The following FRK variants were observed in gnomAD, a reference collection of about 807,000 sequenced individuals.
FRK encodes the protein fyn related Src family tyrosine kinase, also known as tyrosine-protein kinase FRK.
A neutral mutation model predicts 56.4 loss-of-function variants in FRK; 51 were observed. That is an observed-to-expected ratio of 0.90 (90% CI 0.72 to 1.14). The LOEUF (loss-of-function observed/expected upper bound fraction) is 1.14. FRK is among the 50% of genes most tolerant of loss of function. FRK has a pLI of 0.00. For missense variants in FRK, 570 were observed against 601.4 expected (o/e 0.95, Z 0.55); for synonymous variants, 245 against 217.9 (o/e 1.12, Z -1.10).
chr6:115,969,679 T>C (rs1773727826), intron 2 of FRK, among the ~76,000 whole-genome samples: 1 of 152,108 alleles, frequency 6.6e-6, no homozygotes, highest in Admixed American at 6.5e-5. Context: ...CTGTGGCTGT[T>C]GTTTTGGTTT....
chr6:115,973,136 C>A (rs145040449), intron 2 of FRK, among the ~76,000 whole-genome samples: 1 of 152,166 alleles, frequency 6.6e-6, no homozygotes, highest in African/African-American at 2.4e-5. Flanking sequence ...TGGAACACAT[C>A]CTTGCACTCT....
Position 115,950,203 on chromosome 6 carries a change from G to A in FRK, c.959-5778C>T, listed in dbSNP as rs546527340. On this transcript the variant is annotated intron_variant, in intron 5 of 7. Transcript: ENST00000606080. ...AAATGGGATCTAATTAAACAAAAGAGCTCCTGCACAGCAAAAGAAACCATC... is the reference window on the plus strand; with the variant it reads ...AAATGGGATCTAATTAAACAAAAGAACTCCTGCACAGCAAAAGAAACCATC... 3.9e-5 allele frequency among the ~76,000 whole-genome samples: 6 copies of A among 152,252 alleles called. No homozygotes were observed. In the South Asian group the frequency reaches 1.2e-3, roughly 32 times the overall value.
rs372662470 is a variant in FRK, at chr6:116,054,517, T to C, written c.344+5451A>G. 2.7e-3 allele frequency among the ~76,000 whole-genome samples: 388 copies of C among 144,808 alleles called. 12 individuals are homozygous for C. The South Asian group carries it at 0.045, about 17-fold the overall frequency. 95.0% of individuals were successfully genotyped at this position (144,808 alleles called of 152,430 possible). On this transcript the variant is annotated intron_variant, in intron 1 of 7. Transcript: ENST00000606080. ...ATTATACTATTATAATATTATACTA[T>C]ATATTATATATTATATAGTATAATA...
chr6:116,041,119 C>T (rs954723127), intron 1 of FRK, among the ~76,000 whole-genome samples: 1 of 152,198 alleles, frequency 6.6e-6, no homozygotes, highest in East Asian at 1.9e-4. Flanking sequence ...CCTCAACTAT[C>T]GCTTCCCTGA....
chr6:116,092,714 T>G, the FRK span, among the ~76,000 whole-genome samples: 2 of 152,238 alleles, frequency 1.3e-5, no homozygotes, highest in Non-Finnish European at 2.9e-5. Context: ...TTTCTGCTGC[T>G]GCGTCGGTGA....
intron 2 of FRK, among the ~76,000 whole-genome samples, chr6:115,986,445 G>A (rs1774397585): frequency 6.6e-6 from 1 of 152,058 alleles, no homozygotes; most frequent in African/African-American, 2.4e-5. Flanking sequence ...ATGGGTAAAA[G>A]TGATTAATAC....
intron 4 of FRK, among the ~76,000 whole-genome samples, chr6:115,958,009 G>C (rs1188385567): frequency 6.6e-6 from 1 of 152,142 alleles, no homozygotes; most frequent in Non-Finnish European, 1.5e-5. Context: ...ATATTTCACA[G>C]GCTAAGGAAG....
chr6:115,977,825 A>C (rs913983407), intron 2 of FRK, among the ~76,000 whole-genome samples: 2 of 152,176 alleles, frequency 1.3e-5, no homozygotes, highest in African/African-American at 4.8e-5. Context: ...CCCTTATGGG[A>C]ATAAACCAAC....
At chr6:116,068,648 A>T in the FRK span, among the ~76,000 whole-genome samples, 1 of 152,122 alleles carries the variant, frequency 6.6e-6, no homozygotes, top group Admixed American at 6.6e-5. Context: ...CATCCAGCCA[A>T]CATGGGATGC....
In FRK at chr6:115,933,040, T is replaced by A. The variant is rs1771983970; in HGVS notation, c.*9374A>T. Reference sequence around the variant, plus strand: ...TGACAAAATATTCAGGTTCCACAACTATTCAGAGTCTACCCTGTGCCTCTT... The same window carrying A: ...TGACAAAATATTCAGGTTCCACAACAATTCAGAGTCTACCCTGTGCCTCTT... On this transcript the variant is annotated 3_prime_UTR_variant, in exon 8 of 8. Transcript: ENST00000606080. The A allele has an allele frequency of 6.6e-6, 1 of 152,214 alleles. No individual in the cohort carries two copies. The highest frequency in any genetic ancestry group is 1.5e-5 in the Non-Finnish European group (1 of 68,034). 9.4% of individuals were successfully genotyped at this position (152,214 alleles called of 1,614,324 possible). A position where few individuals can be genotyped will look rare whatever the true frequency, so the allele number is the denominator to read the frequency against.
At chr6:116,079,688 T>C in the FRK span, among the ~76,000 whole-genome samples, 55 of 152,310 alleles carry the variant, frequency 3.6e-4, no homozygotes, top group African/African-American at 1.3e-3. Flanking sequence ...CCTTCTGGGC[T>C]AAAATGACCC....
intron 1 of FRK, among the ~76,000 whole-genome samples, chr6:116,046,592 G>A (rs1233670391): frequency 6.6e-6 from 1 of 152,082 alleles, no homozygotes; most frequent in Non-Finnish European, 1.5e-5. Flanking sequence ...GAGAACATGT[G>A]GACACAGTGA....
chr6:116,096,645 A>C, the FRK span, among the ~76,000 whole-genome samples: 16 of 151,898 alleles, frequency 1.1e-4, no homozygotes, highest in Non-Finnish European at 2.9e-5. Context: ...CACTCTGTAA[A>C]ATGGACCAAT....
intron 1 of FRK, among the ~76,000 whole-genome samples, chr6:116,054,488 GTATAT>G (rs1562308036): frequency 7.3e-6 from 1 of 137,776 alleles, no homozygotes; most frequent in Non-Finnish European, 1.6e-5. Context: ...ATATATAATA[GTATAT>G]TATACTATTA....
At chr6:115,946,785 C>T (rs1166346163) in intron 5 of FRK, among the ~76,000 whole-genome samples, 1 of 152,130 alleles carries the variant, frequency 6.6e-6, no homozygotes, top group African/African-American at 2.4e-5. Context: ...ACTGGAGAAA[C>T]TTGTAACAAG....
intron 2 of FRK, among the ~76,000 whole-genome samples, chr6:115,977,861 G>A (rs1774042865): frequency 6.6e-6 from 1 of 152,124 alleles, no homozygotes; most frequent in East Asian, 1.9e-4. Context: ...GCTATTAGGT[G>A]TTCAGTACAG....
the FRK span, among the ~76,000 whole-genome samples, chr6:116,078,097 T>G: frequency 1.3e-5 from 2 of 152,104 alleles, no homozygotes; most frequent in African/African-American, 4.8e-5. Flanking sequence ...GAAGCGAAGG[T>G]TGCAGTGAGC....
the FRK span, among the ~76,000 whole-genome samples, chr6:116,095,573 T>A: frequency 4.6e-5 from 7 of 152,310 alleles, no homozygotes; most frequent in South Asian, 1.5e-3. Context: ...CTCAAGTCCA[T>A]CAGTGCAGGG....
intron 2 of FRK, among the ~76,000 whole-genome samples, chr6:115,996,512 T>G (rs940475791): frequency 1.3e-5 from 2 of 152,124 alleles, no homozygotes; most frequent in Non-Finnish European, 2.9e-5. Flanking sequence ...TCTTATTACC[T>G]GGAAAAAACT....
Sources: allele counts gnomAD v4.1 joint callset (sites outside exome capture counted in the v4.1 genomes callset), GRCh38; gene constraint gnomAD v4.1.1; transcripts MANE v1.5; gene names NCBI Gene and HGNC (gene_info 2026-07-23, HGNC 2026-07-21).